The following DUSP10 variants were observed in gnomAD, a reference collection of about 807,000 sequenced individuals.
The protein encoded by DUSP10 is dual specificity protein phosphatase 10.
Under a neutral mutation model 30.8 loss-of-function variants are expected in DUSP10, and 14 were observed. That is an observed-to-expected ratio of 0.46 (90% confidence interval 0.30 to 0.71). DUSP10 has a LOEUF of 0.71. DUSP10 is among the 30% of genes least tolerant of loss of function. The pLI is 0.08. For missense variants in DUSP10, 550 were observed against 619.4 expected (o/e 0.89, Z 1.19); for synonymous variants, 254 against 250.4 (o/e 1.01, Z -0.14).
At chr1:221,716,525 A>AT (rs1181467930) in intron 2 of DUSP10, among the ~76,000 whole-genome samples, 2 of 150,818 alleles carry the variant, frequency 1.3e-5, no homozygotes, top group Non-Finnish European at 3.0e-5. Context: ...GTGTAGTCTC[A>AT]TTTTTTTTTC....
chr1:221,703,342 T>C (rs115664403), intron 3 of DUSP10, among the ~76,000 whole-genome samples: 1,630 of 152,298 alleles, frequency 0.011, 26 homozygotes, highest in African/African-American at 0.037. Flanking sequence ...AAAAACACTT[T>C]CTTTATTCTA....
chr1:221,734,084 C>G (rs11118840), intron 2 of DUSP10, among the ~76,000 whole-genome samples: 12,930 of 152,170 alleles, frequency 0.085, 1,356 homozygotes, highest in African/African-American at 0.25. Context: ...GGCTCAGGAA[C>G]CAGCGCACCC....
rs546860691 is a variant in DUSP10, at chr1:221,717,440, G to C, written c.812-10974C>G. The stretch of plus-strand genomic sequence containing the variant: ...CAATATGTGTTTGAAAAGAAAAGAG[G>C]GGGGAGGGGAAAAGAAACAGAGAGA... On this transcript the variant is annotated intron_variant, in intron 2 of 3. Transcript: ENST00000366899. Among the ~76,000 whole-genome samples the C allele has an allele frequency of 7.7e-5, 11 of 142,264 alleles. No individual in the cohort carries two copies. The South Asian group carries it at 1.9e-3, about 25-fold the overall frequency. 93.3% of individuals were successfully genotyped at this position (142,264 alleles called of 152,430 possible). A position where few individuals can be genotyped will look rare whatever the true frequency, so the allele number is the denominator to read the frequency against.
Position 221,702,828 on chromosome 1 carries a change from T to C in DUSP10, c.1184-151A>G, listed in dbSNP as rs1558114365. The stretch of plus-strand genomic sequence containing the variant: ...AAGCCAAGTATAATCCACTAGTTCA[T>C]TACGTATACTTATGTCACAACTTCC... On this transcript the variant is annotated intron_variant, in intron 3 of 3. Coordinates refer to ENST00000366899, the MANE Select transcript of DUSP10 (RefSeq NM_007207.6). This position sits in a 1 kb window ranked among gnomAD's most constrained non-coding sequence, Gnocchi z 4.5. 1.3e-6 allele frequency: 1 copy of C among 787,804 alleles called. No homozygotes were observed. The highest frequency in any genetic ancestry group is 2.0e-6 in the Non-Finnish European group (1 of 508,180). 48.8% of individuals were successfully genotyped at this position (787,804 alleles called of 1,614,324 possible). A position where few individuals can be genotyped will look rare whatever the true frequency, so the allele number is the denominator to read the frequency against.
At chr1:221,718,903 A>G (rs550930787) in intron 2 of DUSP10, among the ~76,000 whole-genome samples, 4 of 152,250 alleles carry the variant, frequency 2.6e-5, no homozygotes, top group Admixed American at 1.3e-4. Flanking sequence ...TTCCCATTGG[A>G]AGTTACATTC....
intron 3 of DUSP10, among the ~76,000 whole-genome samples, chr1:221,705,007 G>A (rs1488925091): frequency 6.6e-6 from 1 of 151,860 alleles, no homozygotes; most frequent in Non-Finnish European, 1.5e-5. Context: ...TTTAGGAAAA[G>A]TACTAGGCCA....
chr1:221,726,575 T>C (rs1178851208), intron 2 of DUSP10, among the ~76,000 whole-genome samples: 1 of 152,206 alleles, frequency 6.6e-6, no homozygotes, highest in African/African-American at 2.4e-5. Flanking sequence ...AGTAATATTA[T>C]GTTTTTCTTT....
intron 2 of DUSP10, among the ~76,000 whole-genome samples, chr1:221,731,902 C>T (rs935452265): frequency 3.3e-5 from 5 of 151,666 alleles, no homozygotes; most frequent in East Asian, 1.9e-4. Flanking sequence ...CCACCACACC[C>T]GGCTGGCTAT....
chr1:221,727,510 C>T (rs1661459121), intron 2 of DUSP10, among the ~76,000 whole-genome samples: 1 of 152,228 alleles, frequency 6.6e-6, no homozygotes, highest in South Asian at 2.1e-4. Context: ...GATAACATCT[C>T]TCACAATTCT....
chr1:221,704,315 T>TAA (rs1660692698), intron 3 of DUSP10, among the ~76,000 whole-genome samples: 1 of 129,024 alleles, frequency 7.8e-6, no homozygotes. Flanking sequence ...TTTGTTTTCC[T>TAA]TAAAAAAAAA....
chr1:221,723,445 A>G (rs956816567), intron 2 of DUSP10, among the ~76,000 whole-genome samples: 45 of 152,256 alleles, frequency 3.0e-4, no homozygotes, highest in African/African-American at 1.1e-3. Flanking sequence ...AAACTGACTA[A>G]GCAGAGTCAG....
intron 2 of DUSP10, among the ~76,000 whole-genome samples, chr1:221,732,756 C>T (rs997661103): frequency 6.6e-6 from 1 of 152,182 alleles, no homozygotes; most frequent in Non-Finnish European, 1.5e-5. Context: ...GTTAGAATCA[C>T]TTTGGGAGCT....
Position 221,706,049 on chromosome 1 carries a change from G to A in DUSP10, c.1183+46C>T. The A allele has an allele frequency of 6.3e-7, 1 of 1,578,268 alleles. No homozygotes were observed. Among genetic ancestry groups the A allele is most frequent in the Non-Finnish European group, 8.6e-7 (1 of 1,160,630 alleles). The stretch of plus-strand genomic sequence containing the variant: ...CTTGATATCAAAGCAAGAGCTGGAG[G>A]GAAAAGGAAGGCAGCGGATGAAAAT... On this transcript the variant is annotated intron_variant, in intron 3 of 3. Coordinates refer to ENST00000366899, the MANE Select transcript of DUSP10 (RefSeq NM_007207.6). The surrounding 1 kb of genome is among the most constrained non-coding windows in gnomAD (Gnocchi z 4.6).
intron 2 of DUSP10, among the ~76,000 whole-genome samples, chr1:221,730,973 G>C (rs1225536794): frequency 6.6e-6 from 1 of 151,978 alleles, no homozygotes; most frequent in Non-Finnish European, 1.5e-5. Context: ...ATAATTAAAA[G>C]ATTACATCAA....
intron 2 of DUSP10, among the ~76,000 whole-genome samples, chr1:221,715,155 A>G (rs1307959280): frequency 1.3e-5 from 2 of 152,206 alleles, no homozygotes; most frequent in Non-Finnish European, 2.9e-5. Flanking sequence ...CATGCCCTCA[A>G]TAGGAAGAAT....
chr1:221,739,578 G>T lies in DUSP10; in HGVS notation c.167C>A (p.Ala56Glu). The T allele has an allele frequency of 1.2e-6, 2 of 1,614,176 alleles. No individual in the cohort carries two copies. Among genetic ancestry groups the T allele is most frequent in the Non-Finnish European group, 1.7e-6 (2 of 1,180,024 alleles). Residue 56 changes from alanine to glutamate, a missense_variant, in exon 2 of 4, where the codon GCG becomes GAG. By Grantham distance (107) the Ala-to-Glu change is moderately radical. Transcript: ENST00000366899. ...GGATGAGGGCATATACGTCAGATTC[G>T]CAGCCTTGAGGGACACAACGGTGGT... The part of the protein sequence containing the change: ...IATTVVSLKA[A>E]NLTYMPSSSG...
chr1:221,706,309 G>A lies in DUSP10; in HGVS notation c.969C>T (p.Thr323=). ...TTPDIENAEL[T]PILPFLFLGN... ...CAAGGAACAGGAAGGGCAAGATGGGGGTGAGCTCAGCGTTCTCGATGTCAG... is the reference window on the plus strand; with the variant it reads ...CAAGGAACAGGAAGGGCAAGATGGGAGTGAGCTCAGCGTTCTCGATGTCAG... The change falls in exon 3 of 4, where the codon ACC becomes ACT. Residue 323 remains threonine, a synonymous_variant. Coordinates refer to ENST00000366899, the MANE Select transcript of DUSP10 (RefSeq NM_007207.6). This position sits in a 1 kb window ranked among gnomAD's most constrained non-coding sequence, Gnocchi z 4.6. 6.2e-7 allele frequency: 1 copy of A among 1,614,164 alleles called. No individual in the cohort carries two copies. The highest frequency in any genetic ancestry group is 8.5e-7 in the Non-Finnish European group (1 of 1,180,002).
intron 2 of DUSP10, among the ~76,000 whole-genome samples, chr1:221,710,274 GAGA>G (rs34102319): frequency 0.052 from 7,964 of 152,248 alleles, 242 homozygotes; most frequent in African/African-American, 0.083. Context: ...CAGTGATTCA[GAGA>G]AGGAGTATTG....
intron 2 of DUSP10, chr1:221,737,190 T>G: frequency 1.0e-6 from 1 of 985,464 alleles, no homozygotes; most frequent in Non-Finnish European, 1.2e-6. Context: ...TTAGGAGGTC[T>G]AGGATCATCT....
Sources: allele counts gnomAD v4.1 joint callset (sites outside exome capture counted in the v4.1 genomes callset), GRCh38; gene constraint gnomAD v4.1.1; non-coding constraint Gnocchi (gnomAD v3.1); transcripts MANE v1.5; gene names NCBI Gene and HGNC (gene_info 2026-07-23, HGNC 2026-07-21).